TRAPPC12: variants seen among roughly 807,000 people sequenced by gnomAD.
TRAPPC12 encodes TPR repeat protein 15.
In TRAPPC12, 61 loss-of-function variants were observed where a neutral mutation model predicts 69.2. The observed-to-expected ratio is 0.88, with a 90% confidence interval of 0.72 to 1.09. TRAPPC12 has a LOEUF of 1.09. Among genes scored for constraint, TRAPPC12 ranks in the 50% least tolerant of loss-of-function variants. The pLI is 0.00. For synonymous variants in TRAPPC12, 469 were observed against 438.9 expected (o/e 1.07, Z -0.86); for missense variants, 1,101 against 1,016.4 (o/e 1.08, Z -1.13).
At chr2:3,380,788 AATG>A (rs1257294158) in intron 1 of TRAPPC12, among the ~76,000 whole-genome samples, 4 of 152,234 alleles carry the variant, frequency 2.6e-5, no homozygotes, top group African/African-American at 9.6e-5. Flanking sequence ...TTATCATTAA[AATG>A]ATAATTACTA....
intron 2 of TRAPPC12, among the ~76,000 whole-genome samples, chr2:3,390,542 G>A (rs886920313): frequency 1.3e-5 from 2 of 152,202 alleles, no homozygotes; most frequent in Admixed American, 1.3e-4. Flanking sequence ...CTTTGCAATG[G>A]AATATTTATG....
chr2:3,382,982 G>A (rs1359076437), intron 1 of TRAPPC12, among the ~76,000 whole-genome samples: 1 of 152,142 alleles, frequency 6.6e-6, no homozygotes, highest in Non-Finnish European at 1.5e-5. Context: ...GTGAAAAATT[G>A]AATTGTTCTG....
chr2:3,457,128 A>T, intron 6 of TRAPPC12: 1 of 464,838 alleles, frequency 2.2e-6, no homozygotes, highest in Non-Finnish European at 4.4e-6. Flanking sequence ...GTAAAAAAAG[A>T]ACCAAATCAT....
intron 2 of TRAPPC12, among the ~76,000 whole-genome samples, chr2:3,399,603 C>T (rs1006644429): frequency 9.2e-5 from 14 of 152,316 alleles, no homozygotes; most frequent in African/African-American, 3.4e-4. Context: ...AGCCACCCAG[C>T]CCCTTCTGCC....
At chr2:3,389,605 T>A in intron 2 of TRAPPC12, 1 of 462,746 alleles carries the variant, frequency 2.2e-6, no homozygotes, top group Admixed American at 2.4e-5. Flanking sequence ...ACGGGCATCT[T>A]AACGGCTCTA....
intron 3 of TRAPPC12, among the ~76,000 whole-genome samples, chr2:3,402,450 A>G (rs148904614): frequency 0.015 from 2,278 of 152,164 alleles, 18 homozygotes; most frequent in Non-Finnish European, 0.024. Context: ...TTAGCTGGGC[A>G]TGGTGGTGCG....
chr2:3,388,048 G>A lies in TRAPPC12; in HGVS notation c.425G>A (p.Ser142Asn). Residue 142 changes from serine to asparagine, a missense_variant, in exon 2 of 12, where the codon AGC becomes AAC. Physicochemically the swap from Ser to Asn is conservative, Grantham distance 46. Coordinates refer to ENST00000324266, the MANE Select transcript of TRAPPC12 (RefSeq NM_016030.6). ...GACGCGGCCCGCGAGGTCCCAGGCA[G>A]CGAAGCCGCGCGCCCGGAGCAGGAG... The part of the protein sequence containing the change: ...RQDAAREVPG[S>N]EAARPEQEPP... 6.7e-7 allele frequency: 1 copy of A among 1,501,946 alleles called. No individual in the cohort carries two copies. Among genetic ancestry groups the A allele is most frequent in the South Asian group, 1.2e-5 (1 of 80,654 alleles). 93.0% of individuals were successfully genotyped at this position (1,501,946 alleles called of 1,614,324 possible). A position where few individuals can be genotyped will look rare whatever the true frequency, so the allele number is the denominator to read the frequency against.
At chr2:3,395,220 G>A (rs1273475563) in intron 2 of TRAPPC12, among the ~76,000 whole-genome samples, 2 of 152,144 alleles carry the variant, frequency 1.3e-5, no homozygotes, top group African/African-American at 4.8e-5. Flanking sequence ...TGATGACTGA[G>A]GTTATATAGA....
intron 6 of TRAPPC12, among the ~76,000 whole-genome samples, chr2:3,446,729 T>G (rs1158428287): frequency 6.6e-6 from 1 of 152,256 alleles, no homozygotes; most frequent in African/African-American, 2.4e-5. Flanking sequence ...TCTGAGCTTG[T>G]TCATTTGTTC....
chr2:3,402,877 A>G (rs1291083595), intron 3 of TRAPPC12, among the ~76,000 whole-genome samples: 1 of 152,158 alleles, frequency 6.6e-6, no homozygotes, highest in East Asian at 1.9e-4. Context: ...TAGCTCATCC[A>G]CACGGTTGCC....
chr2:3,414,455 C>T lies in TRAPPC12; in HGVS notation c.1165-7426C>T, dbSNP rs1662229647. Among the ~76,000 whole-genome samples, 1 of 152,112 alleles carries T rather than the reference C, an allele frequency of 6.6e-6. No homozygotes were observed. Among genetic ancestry groups the T allele is most frequent in the Non-Finnish European group, 1.5e-5 (1 of 68,018 alleles). ...AAGCCCCCCGGGTTCTTGTCCTCCCCCCTGCCGCCACCCTGGGGTCTGCCA... is the reference window on the plus strand; with the variant it reads ...AAGCCCCCCGGGTTCTTGTCCTCCCTCCTGCCGCCACCCTGGGGTCTGCCA... On this transcript the variant is annotated intron_variant, in intron 3 of 11. Transcript: ENST00000324266. The surrounding 1 kb of genome is among the most constrained non-coding windows in gnomAD (Gnocchi z 4.9).
intron 3 of TRAPPC12, among the ~76,000 whole-genome samples, chr2:3,405,882 G>A (rs1661701933): frequency 6.6e-6 from 1 of 152,142 alleles, no homozygotes; most frequent in Non-Finnish European, 1.5e-5. Flanking sequence ...CCTAACCCAT[G>A]GCAGTGAAGT....
chr2:3,425,127 C>T (rs533700172), intron 5 of TRAPPC12, among the ~76,000 whole-genome samples: 26 of 152,226 alleles, frequency 1.7e-4, no homozygotes, highest in Non-Finnish European at 2.4e-4. Flanking sequence ...CTTTGGGTCA[C>T]GGTCACGACC....
chr2:3,423,156 A>C lies in TRAPPC12; in HGVS notation c.1278+1162A>C, dbSNP rs894520729. Among the ~76,000 whole-genome samples the C allele has an allele frequency of 3.3e-5, 5 of 152,138 alleles. No individual in the cohort carries two copies. In the East Asian group the frequency reaches 9.6e-4, roughly 29 times the overall value. On this transcript the variant is annotated intron_variant, in intron 4 of 11. Coordinates refer to ENST00000324266, the MANE Select transcript of TRAPPC12 (RefSeq NM_016030.6). The stretch of plus-strand genomic sequence containing the variant: ...AGAGGGTGAACCACCCTCCTTTCCA[A>C]CTAGGTCTGAAACGGAGCTAGTCAA...
chr2:3,432,624 C>G (rs1277360303), intron 5 of TRAPPC12, among the ~76,000 whole-genome samples: 1 of 152,324 alleles, frequency 6.6e-6, no homozygotes, highest in African/African-American at 2.4e-5. Flanking sequence ...AACTCCCGAG[C>G]GTTGATGGTT....
rs1666455377 is a variant in TRAPPC12 at position 3,479,499 on chromosome 2, T to C, written c.*38T>C. On this transcript the variant is annotated 3_prime_UTR_variant, in exon 12 of 12. Transcript: ENST00000324266. ...CACTACGTCAGAAGGACCCGGGTCTTTGAAACTGTGTCTTGAAGCTAATGT... is the reference window on the plus strand; with the variant it reads ...CACTACGTCAGAAGGACCCGGGTCTCTGAAACTGTGTCTTGAAGCTAATGT... 1 of 1,605,372 alleles carries C rather than the reference T, an allele frequency of 6.2e-7. No homozygotes were observed. The highest frequency in any genetic ancestry group is 1.3e-5 in the African/African-American group (1 of 74,656).
intron 6 of TRAPPC12, 67 bp downstream of exon 6, chr2:3,443,958 A>ATGCCCGTGCTGTTCCC: frequency 8.1e-7 from 1 of 1,236,138 alleles, no homozygotes. Context: ...CCCACAGGAC[A>ATGCCCGTGCTGTTCCC]TGCCCGTGCT....
chr2:3,446,150 C>G (rs1226617421), intron 6 of TRAPPC12, among the ~76,000 whole-genome samples: 2 of 152,218 alleles, frequency 1.3e-5, no homozygotes, highest in Non-Finnish European at 2.9e-5. Flanking sequence ...CCACCTGCCT[C>G]TCATCTTGTG....
chr2:3,416,531 C>T (rs1416873345), intron 3 of TRAPPC12, among the ~76,000 whole-genome samples: 2 of 95,876 alleles, frequency 2.1e-5, no homozygotes, highest in Non-Finnish European at 4.4e-5. Context: ...TGCCCCTTCA[C>T]TGCCCTCCCC....
Sources: allele counts gnomAD v4.1 joint callset (sites outside exome capture counted in the v4.1 genomes callset), GRCh38; gene constraint gnomAD v4.1.1; non-coding constraint Gnocchi (gnomAD v3.1); transcripts MANE v1.5; gene names NCBI Gene and HGNC (gene_info 2026-07-23, HGNC 2026-07-21).